MORC1: variants seen among roughly 807,000 people sequenced by gnomAD.
The protein encoded by MORC1 is MORC family CW-type zinc finger 1, also known as MORC family CW-type zinc finger protein 1.
Under a neutral mutation model 134.9 loss-of-function variants are expected in MORC1, and 59 were observed. The observed-to-expected ratio is 0.44, with a 90% CI of 0.35 to 0.54. The LOEUF is 0.54. MORC1 is among the 20% of genes least tolerant of loss of function. The pLI is 0.00. For missense variants in MORC1, 947 were observed against 1,134.5 expected (o/e 0.83, Z 2.37); for synonymous variants, 395 against 391.7 (o/e 1.01, Z -0.10).
chr3:108,996,286 G>GCGCGCGCGCGCGCGCACACACACACACA, intron 21 of MORC1, among the ~76,000 whole-genome samples: 8 of 146,380 alleles, frequency 5.5e-5, no homozygotes, highest in Non-Finnish European at 7.5e-5. Flanking sequence ...GCGCGCGCGC[G>GCGCGCGCGCGCGCGCACACACACACACA]CACACACACA....
At chr3:108,962,100 T>C (rs1463586485) in intron 27 of MORC1, among the ~76,000 whole-genome samples, 1 of 152,054 alleles carries the variant, frequency 6.6e-6, no homozygotes, top group Non-Finnish European at 1.5e-5. Flanking sequence ...TAGCAATAAA[T>C]AAACTAGACA....
intron 14 of MORC1, among the ~76,000 whole-genome samples, chr3:109,043,831 A>C (rs1051771570): frequency 1.3e-5 from 2 of 152,224 alleles, no homozygotes; most frequent in Non-Finnish European, 2.9e-5. Flanking sequence ...CTGAAATAAA[A>C]TGAAAGTGGA....
At chr3:108,988,156 CAT>C (rs1192977293) in intron 21 of MORC1, among the ~76,000 whole-genome samples, 1 of 151,992 alleles carries the variant, frequency 6.6e-6, no homozygotes, top group African/African-American at 2.4e-5. Context: ...TTTTACGTAG[CAT>C]TCTGGAAACT....
intron 8 of MORC1, among the ~76,000 whole-genome samples, chr3:109,074,062 T>C (rs1950371569): frequency 1.3e-5 from 2 of 152,192 alleles, no homozygotes; most frequent in East Asian, 3.8e-4. Context: ...AGTAGAGACA[T>C]GGAATGCTGC....
chr3:109,011,038 T>C (rs1364920086), intron 17 of MORC1, among the ~76,000 whole-genome samples: 1 of 152,208 alleles, frequency 6.6e-6, no homozygotes, highest in Non-Finnish European at 1.5e-5. Flanking sequence ...ATCTGGGTCA[T>C]ATGATAGGTA....
intron 8 of MORC1, among the ~76,000 whole-genome samples, chr3:109,083,584 T>C (rs1950563249): frequency 6.6e-6 from 1 of 152,144 alleles, no homozygotes; most frequent in Non-Finnish European, 1.5e-5. Flanking sequence ...ACCAAACATT[T>C]AAAGAAGAAC....
chr3:109,050,483 G>A (rs763344726), intron 14 of MORC1, among the ~76,000 whole-genome samples: 2 of 152,056 alleles, frequency 1.3e-5, no homozygotes, highest in African/African-American at 4.8e-5. Flanking sequence ...TGCCAATCAC[G>A]AAGGCTCTGC....
At chr3:109,033,121 T>C (rs1576655770) in intron 15 of MORC1, among the ~76,000 whole-genome samples, 2 of 151,604 alleles carry the variant, frequency 1.3e-5, no homozygotes, top group Non-Finnish European at 1.5e-5. Context: ...TAAAACCAAA[T>C]TAATAATTTC....
chr3:108,990,406 G>A (rs990726826), intron 21 of MORC1, among the ~76,000 whole-genome samples: 2 of 151,964 alleles, frequency 1.3e-5, no homozygotes, highest in Non-Finnish European at 2.9e-5. Context: ...AAATATGCCA[G>A]GCACACTCCT....
At chr3:109,102,826 G>A (rs138411256) in intron 4 of MORC1, among the ~76,000 whole-genome samples, 8 of 152,026 alleles carry the variant, frequency 5.3e-5, no homozygotes, top group Admixed American at 2.6e-4. Flanking sequence ...TTTCAGCATG[G>A]GTTTTTTCTG....
intron 3 of MORC1, among the ~76,000 whole-genome samples, chr3:109,108,404 T>C (rs560185725): frequency 6.6e-6 from 1 of 152,274 alleles, no homozygotes; most frequent in Admixed American, 6.5e-5. Context: ...CAATCCTCCA[T>C]CAATTGTGCA....
At chr3:109,079,212 C>A (rs929296690) in intron 8 of MORC1, among the ~76,000 whole-genome samples, 2 of 151,800 alleles carry the variant, frequency 1.3e-5, no homozygotes, top group Non-Finnish European at 2.9e-5. Context: ...AACATAAAAG[C>A]AAAAAATTTA....
chr3:108,962,569 A>G (rs1947110427), intron 27 of MORC1, among the ~76,000 whole-genome samples: 1 of 152,162 alleles, frequency 6.6e-6, no homozygotes, highest in African/African-American at 2.4e-5. Flanking sequence ...TGGCCCAGGA[A>G]GGCTCTGTCT....
intron 7 of MORC1, 117 bp downstream of exon 7, chr3:109,094,792 G>T (rs1362301761): frequency 1.0e-6 from 1 of 953,320 alleles, no homozygotes. Context: ...ACTGTCCCCA[G>T]TGTGAATCCA....
intron 14 of MORC1, among the ~76,000 whole-genome samples, chr3:109,046,528 T>A (rs1265428043): frequency 1.3e-5 from 2 of 152,202 alleles, no homozygotes; most frequent in Non-Finnish European, 2.9e-5. Flanking sequence ...CAGCTCTGTA[T>A]GTGTCCCCAA....
chr3:109,015,920 G>A (rs899161767), intron 17 of MORC1, among the ~76,000 whole-genome samples: 1 of 152,092 alleles, frequency 6.6e-6, no homozygotes, highest in African/African-American at 2.4e-5. Flanking sequence ...GTCTGTCTGG[G>A]AATCAGATTT....
At chr3:108,976,952 CAAAT>C (rs780081828) in intron 24 of MORC1, among the ~76,000 whole-genome samples, 15 of 151,682 alleles carry the variant, frequency 9.9e-5, no homozygotes, top group Middle Eastern at 3.4e-3. Context: ...TACACTTAGA[CAAAT>C]AAAAATTAGC....
At chr3:109,035,958 C>T (rs1322144270) in intron 14 of MORC1, among the ~76,000 whole-genome samples, 2 of 152,078 alleles carry the variant, frequency 1.3e-5, no homozygotes, top group Non-Finnish European at 2.9e-5. Context: ...ATGCACTATC[C>T]TATCCCCAAA....
At chr3:108,971,228 A>T in intron 25 of MORC1, 102 bp downstream of exon 25, 2 of 950,058 alleles carry the variant, frequency 2.1e-6, no homozygotes, top group Non-Finnish European at 3.3e-6. Flanking sequence ...TTATTCACTT[A>T]AGCCACTCTA....
Sources: gnomAD v4.1 joint callset for allele counts (sites outside exome capture counted in the v4.1 genomes callset) on GRCh38, gnomAD v4.1.1 for gene constraint, MANE v1.5 for transcripts, NCBI Gene and HGNC (gene_info 2026-07-23, HGNC 2026-07-21) for gene names.